Variants in SLC24A3 observed in about 807,000 individuals in gnomAD.
SLC24A3 encodes solute carrier family 24 member 3.
In SLC24A3, 28 loss-of-function variants were observed where a neutral mutation model predicts 75.8. The observed-to-expected ratio is 0.37, with a 90% CI of 0.27 to 0.51. SLC24A3 has a LOEUF of 0.51. Ranked by LOEUF, SLC24A3 falls within the 20% of genes least tolerant of loss-of-function variation. The pLI is 0.94. For missense variants in SLC24A3, 663 were observed against 847.8 expected, an observed-to-expected ratio of 0.78 and a Z score of 2.71; for synonymous variants, 372 against 334.1, an observed-to-expected ratio of 1.11 and a Z score of -1.24.
chr20:19,392,471 C>T (rs545738696), intron 2 of SLC24A3, among the ~76,000 whole-genome samples: 1 of 152,200 alleles, frequency 6.6e-6, no homozygotes, highest in Admixed American at 6.5e-5. Flanking sequence ...GCTCCCAGGG[C>T]TGGGCCTGGA....
At chr20:19,625,554 G>C (rs941466294) in intron 6 of SLC24A3, among the ~76,000 whole-genome samples, 2 of 151,996 alleles carry the variant, frequency 1.3e-5, no homozygotes, top group African/African-American at 2.4e-5. Context: ...AAATTCACTG[G>C]GTCTGAATTT....
intron 6 of SLC24A3, among the ~76,000 whole-genome samples, chr20:19,635,692 G>A (rs1327037860): frequency 6.6e-6 from 1 of 152,098 alleles, no homozygotes; most frequent in Non-Finnish European, 1.5e-5. Context: ...CCTGGATTGG[G>A]GTGACTCGAA....
At chr20:19,395,083 G>A (rs867675974) in intron 2 of SLC24A3, among the ~76,000 whole-genome samples, 3 of 152,202 alleles carry the variant, frequency 2.0e-5, no homozygotes, top group Non-Finnish European at 2.9e-5. Context: ...AAATAAGTCA[G>A]TTATAAAAAG....
intron 6 of SLC24A3, among the ~76,000 whole-genome samples, chr20:19,653,412 A>C (rs1249069965): frequency 6.6e-6 from 1 of 152,252 alleles, no homozygotes; most frequent in Non-Finnish European, 1.5e-5. Flanking sequence ...GATTCTGATT[A>C]AACCGAGGTC....
chr20:19,577,797 C>T (rs2061508108), intron 3 of SLC24A3, among the ~76,000 whole-genome samples: 1 of 152,176 alleles, frequency 6.6e-6, no homozygotes, highest in African/African-American at 2.4e-5. Context: ...TTTACACAAT[C>T]CCTTTTAAGG....
At chr20:19,572,019 G>A (rs1265869913) in intron 3 of SLC24A3, among the ~76,000 whole-genome samples, 1 of 152,166 alleles carries the variant, frequency 6.6e-6, no homozygotes, top group East Asian at 1.9e-4. Flanking sequence ...AGTGAGACAG[G>A]AAAGTCAAAG....
intron 2 of SLC24A3, among the ~76,000 whole-genome samples, chr20:19,329,405 G>A (rs1984944776): frequency 1.3e-5 from 2 of 152,008 alleles, no homozygotes; most frequent in South Asian, 2.1e-4. Flanking sequence ...CATTACATGA[G>A]CATACCTTCC....
intron 3 of SLC24A3, among the ~76,000 whole-genome samples, chr20:19,547,461 A>T (rs570523062): frequency 3.9e-5 from 6 of 152,346 alleles, no homozygotes; most frequent in Admixed American, 6.5e-5. Context: ...CTGTGGTGAT[A>T]GTTGCATGAT....
chr20:19,257,104 C>A (rs1048663647), intron 1 of SLC24A3, among the ~76,000 whole-genome samples: 1 of 152,044 alleles, frequency 6.6e-6, no homozygotes, highest in African/African-American at 2.4e-5. Context: ...ATGGCTATGA[C>A]CCAACTTGAA....
At chr20:19,285,682 G>C (rs116460491) in intron 2 of SLC24A3, among the ~76,000 whole-genome samples, 1 of 147,370 alleles carries the variant, frequency 6.8e-6, no homozygotes, top group Non-Finnish European at 1.5e-5. Context: ...TGACACTGCC[G>C]ACTTCATCTG....
Position 19,212,776 on chromosome 20 carries a change from C to T in SLC24A3, c.-67C>T. 2 of 976,628 alleles carry T rather than the reference C, an allele frequency of 2.0e-6. No individual in the cohort carries two copies. The highest frequency in any genetic ancestry group is 1.8e-5 in the African/African-American group (1 of 56,628). 60.5% of individuals were successfully genotyped at this position (976,628 alleles called of 1,614,324 possible). The stretch of plus-strand genomic sequence containing the variant: ...GCGCAGGGCTGCCTCCTGCCGCTGT[C>T]CCCGCCGCGGCCGCCCGCGACAGGA... On this transcript the variant is annotated 5_prime_UTR_variant, in exon 1 of 17. Transcript: ENST00000328041.
chr20:19,668,932 G>A (rs1275125034), intron 8 of SLC24A3, among the ~76,000 whole-genome samples: 1 of 152,158 alleles, frequency 6.6e-6, no homozygotes, highest in Non-Finnish European at 1.5e-5. Flanking sequence ...GGAAGAAGGG[G>A]CACTGTTGTT....
intron 2 of SLC24A3, among the ~76,000 whole-genome samples, chr20:19,447,547 G>A (rs751105508): frequency 2.0e-5 from 3 of 152,054 alleles, no homozygotes; most frequent in Non-Finnish European, 4.4e-5. Context: ...AAAAAATGGC[G>A]ACACATATAC....
chr20:19,678,906 A>G, intron 9 of SLC24A3, among the ~76,000 whole-genome samples: 1 of 147,054 alleles, frequency 6.8e-6, no homozygotes. Flanking sequence ...TCCGAAACGG[A>G]GCGGCGGGGC....
intron 2 of SLC24A3, among the ~76,000 whole-genome samples, chr20:19,325,581 T>G (rs1241725014): frequency 2.0e-5 from 3 of 151,520 alleles, no homozygotes; most frequent in African/African-American, 7.3e-5. Flanking sequence ...ACCACCTTCA[T>G]GGGAGAGGAG....
intron 4 of SLC24A3, among the ~76,000 whole-genome samples, chr20:19,582,611 C>T (rs2031234468): frequency 6.6e-6 from 1 of 152,218 alleles, no homozygotes; most frequent in Admixed American, 6.5e-5. Context: ...ATGCCAGCCC[C>T]TTCCCCTGTC....
At chr20:19,618,609 G>A (rs142572281) in intron 6 of SLC24A3, among the ~76,000 whole-genome samples, 3 of 152,182 alleles carry the variant, frequency 2.0e-5, no homozygotes, top group Non-Finnish European at 2.9e-5. Context: ...AATTCAGCCC[G>A]TGACAACCAT....
chr20:19,703,899 C>A (rs951911186), intron 15 of SLC24A3, among the ~76,000 whole-genome samples: 3 of 152,212 alleles, frequency 2.0e-5, no homozygotes, highest in African/African-American at 7.2e-5. Flanking sequence ...GGGCTTCTTT[C>A]TTTCTCTAGC....
At chr20:19,393,542 G>A (rs988696019) in intron 2 of SLC24A3, among the ~76,000 whole-genome samples, 1 of 152,162 alleles carries the variant, frequency 6.6e-6, no homozygotes, top group Non-Finnish European at 1.5e-5. Flanking sequence ...AAAATCAGTT[G>A]CATTTCTATA....
Sources: allele counts gnomAD v4.1 joint callset (sites outside exome capture counted in the v4.1 genomes callset), GRCh38; gene constraint gnomAD v4.1.1; transcripts MANE v1.5; gene names NCBI Gene and HGNC (gene_info 2026-07-23, HGNC 2026-07-21).